UBR3: variants seen among roughly 807,000 people sequenced by gnomAD.
UBR3 encodes ubiquitin protein ligase E3 component n-recognin 3.
UBR3 carries 85 observed loss-of-function variants against 243.2 expected under a neutral mutation model. That is an observed-to-expected ratio of 0.35 (90% CI 0.29 to 0.42). The LOEUF is 0.42. UBR3 is among the 10% of genes least tolerant of loss of function. UBR3 has a pLI of 1.00. For synonymous variants in UBR3, 748 were observed against 799.8 expected (o/e 0.94, Z 1.09); for missense variants, 1,686 against 2,300.8 (o/e 0.73, Z 5.47).
intron 30 of UBR3, among the ~76,000 whole-genome samples, chr2:170,018,564 C>T (rs548083612): frequency 1.3e-5 from 2 of 152,280 alleles, no homozygotes; most frequent in South Asian, 4.1e-4. Context: ...GTTCCAATGC[C>T]ATGTCCACCA....
intron 23 of UBR3, among the ~76,000 whole-genome samples, chr2:169,950,287 T>G (rs946639926): frequency 6.6e-6 from 1 of 152,110 alleles, no homozygotes; most frequent in African/African-American, 2.4e-5. Context: ...GTAAAATTAC[T>G]ACCTTAAACC....
chr2:169,903,811 A>G (rs1298774504), intron 8 of UBR3, among the ~76,000 whole-genome samples: 2 of 152,168 alleles, frequency 1.3e-5, no homozygotes, highest in East Asian at 3.9e-4. Context: ...GCTTGAGCCC[A>G]GGAGTTTGAG....
chr2:170,011,801 T>G (rs914480613), intron 29 of UBR3, among the ~76,000 whole-genome samples: 2 of 152,136 alleles, frequency 1.3e-5, no homozygotes, highest in African/African-American at 4.8e-5. Context: ...TTTCAATATA[T>G]TTCCAAAATT....
chr2:169,961,235 C>A (rs1379558462), intron 24 of UBR3, among the ~76,000 whole-genome samples: 1 of 152,054 alleles, frequency 6.6e-6, no homozygotes, highest in Non-Finnish European at 1.5e-5. Context: ...TGCCTTATAG[C>A]TATTACCTTA....
intron 35 of UBR3, 105 bp downstream of exon 35, chr2:170,061,548 A>G: frequency 1.4e-6 from 2 of 1,386,810 alleles, no homozygotes; most frequent in Non-Finnish European, 9.8e-7. Flanking sequence ...GCTTACTGCA[A>G]CCTCCGCCTG....
chr2:169,838,043 G>C (rs890957493), intron 1 of UBR3, among the ~76,000 whole-genome samples: 6 of 152,068 alleles, frequency 3.9e-5, no homozygotes, highest in African/African-American at 1.4e-4. Context: ...TCTTCAAAAG[G>C]GTTTTTGGCT....
At chr2:170,048,218 A>T (rs564750198) in intron 32 of UBR3, among the ~76,000 whole-genome samples, 12 of 151,588 alleles carry the variant, frequency 7.9e-5, no homozygotes, top group African/African-American at 2.9e-4. Context: ...TTGCAACTGA[A>T]CTCCCCTGTC....
At chr2:170,053,994 T>C (rs1179019344) in intron 32 of UBR3, among the ~76,000 whole-genome samples, 1 of 152,232 alleles carries the variant, frequency 6.6e-6, no homozygotes, top group Non-Finnish European at 1.5e-5. Context: ...AGAAAATTGC[T>C]AAGTTATTAG....
At chr2:170,076,982 G>A (rs1277169119) in intron 36 of UBR3, among the ~76,000 whole-genome samples, 1 of 152,208 alleles carries the variant, frequency 6.6e-6, no homozygotes, top group African/African-American at 2.4e-5. Context: ...AGCCACCCTT[G>A]TGATGTTATA....
At chr2:170,019,190 T>C (rs1432310819) in intron 30 of UBR3, among the ~76,000 whole-genome samples, 3 of 152,220 alleles carry the variant, frequency 2.0e-5, no homozygotes, top group African/African-American at 7.2e-5. Context: ...AGGCAAACTC[T>C]TGCCTTGACA....
chr2:170,080,501 C>G (rs2091888703), intron 37 of UBR3, 44 bp from the exon 38 acceptor site: 9 of 1,506,142 alleles, frequency 6.0e-6, no homozygotes, highest in Non-Finnish European at 7.2e-6. Context: ...TATTATAAAG[C>G]CTATTTGATT....
At chr2:169,949,367 GT>G (rs1318177195) in intron 22 of UBR3, 1 of 371,256 alleles carries the variant, frequency 2.7e-6, no homozygotes, top group Admixed American at 4.3e-5. Flanking sequence ...TTTTCAGAAG[GT>G]TGAAAAGGAG....
At chr2:170,055,406 T>C in intron 32 of UBR3, 54 bp from the exon 33 acceptor site, 2 of 1,585,798 alleles carry the variant, frequency 1.3e-6, no homozygotes, top group African/African-American at 1.4e-5. Context: ...TAAAACTATG[T>C]TGAGTACAAA....
intron 7 of UBR3, 114 bp downstream of exon 7, chr2:169,895,425 A>G: frequency 1.7e-6 from 2 of 1,189,192 alleles, no homozygotes; most frequent in South Asian, 3.1e-5. Context: ...ACTATAAACA[A>G]GTGTTAGTTT....
chr2:170,019,986 G>A (rs965521225), intron 30 of UBR3, among the ~76,000 whole-genome samples: 1 of 152,030 alleles, frequency 6.6e-6, no homozygotes, highest in African/African-American at 2.4e-5. Flanking sequence ...TCACTATGTT[G>A]ACCAGGCTGG....
chr2:169,831,699 A>C (rs1163161703), intron 1 of UBR3, among the ~76,000 whole-genome samples: 1 of 152,142 alleles, frequency 6.6e-6, no homozygotes. Flanking sequence ...AACCTAAAAG[A>C]CTGCCTCTGG....
intron 1 of UBR3, among the ~76,000 whole-genome samples, chr2:169,831,128 T>TATATATATATATATATATA (rs1491457428): frequency 5.5e-4 from 20 of 36,414 alleles, no homozygotes; most frequent in Admixed American, 1.0e-3. Context: ...TATATATATA[T>TATATATATATATATATATA]TTTTTTTTTT....
intron 30 of UBR3, among the ~76,000 whole-genome samples, chr2:170,025,993 A>G (rs1187281327): frequency 6.6e-6 from 1 of 152,122 alleles, no homozygotes; most frequent in African/African-American, 2.4e-5. Context: ...GAAGTACCAG[A>G]GAGCCTTGTG....
intron 36 of UBR3, among the ~76,000 whole-genome samples, chr2:170,079,410 A>G (rs2091869412): frequency 6.6e-6 from 1 of 152,216 alleles, no homozygotes; most frequent in Admixed American, 6.5e-5. Flanking sequence ...AAAAAGCTAA[A>G]GAATTGTTTG....
Sources: allele counts gnomAD v4.1 joint callset (sites outside exome capture counted in the v4.1 genomes callset), GRCh38; gene constraint gnomAD v4.1.1; transcripts MANE v1.5; gene names NCBI Gene and HGNC (gene_info 2026-07-23, HGNC 2026-07-21).